Variants in SYNM observed in about 807,000 individuals in gnomAD.
SYNM encodes desmuslin.
A neutral mutation model predicts 104.0 loss-of-function variants in SYNM; 95 were observed. That is an observed-to-expected ratio of 0.91 (90% confidence interval 0.77 to 1.08). The LOEUF is 1.08. Ranked by LOEUF, SYNM falls within the 50% of genes least tolerant of loss-of-function variation. The pLI is 0.00. For synonymous variants in SYNM, 918 were observed against 869.0 expected, an observed-to-expected ratio of 1.06 and a Z score of -0.99; for missense variants, 2,150 against 2,052.2, an observed-to-expected ratio of 1.05 and a Z score of -0.92.
In SYNM at chr15:99,132,813, T is replaced by A. The variant is rs782736663; in HGVS notation, c.4453T>A (p.Ser1485Thr). Residue 1485 changes from serine (S) to threonine (T), a missense_variant, in exon 4 of 4, where the codon TCT becomes ACT. By Grantham distance (58) the Ser-to-Thr change is moderately conservative (BLOSUM62 1). Transcript: ENST00000336292. ...RTQEAGALGV[S>T]DRGSWRDADS... is the part of the protein sequence containing the mutation. Reference sequence around the variant, plus strand: ...ACAGGAAGCGGGAGCTCTCGGTGTGTCTGACCGTGGTTCCTGGAGAGACGC... The same window carrying A: ...ACAGGAAGCGGGAGCTCTCGGTGTGACTGACCGTGGTTCCTGGAGAGACGC... The A allele has an allele frequency of 6.2e-7, 1 of 1,613,446 alleles. No individual in the cohort carries two copies. The highest frequency in any genetic ancestry group is 8.5e-7 in the Non-Finnish European group (1 of 1,179,796).
At position 99,133,558 on chromosome 15, in the gene SYNM, T is replaced by C. The variant is rs2067535063; in HGVS notation, c.*500T>C. 1 of 158,986 alleles carries C rather than the reference T, an allele frequency of 6.3e-6. No homozygotes were observed. Among genetic ancestry groups the C allele is most frequent in the Non-Finnish European group, 1.4e-5 (1 of 71,574 alleles). 9.8% of individuals were successfully genotyped at this position (158,986 alleles called of 1,614,324 possible). On this transcript the variant is annotated 3_prime_UTR_variant, in exon 4 of 4. Transcript: ENST00000336292. Reference sequence around the variant, plus strand: ...AGAAATGGGAAATAGGCAGACTGTTTATGTTAAAAAAATTCTTGCTAAATG... The same window carrying C: ...AGAAATGGGAAATAGGCAGACTGTTCATGTTAAAAAAATTCTTGCTAAATG...
At chr15:99,115,427 T>TTA (rs1567276582) in intron 2 of SYNM, among the ~76,000 whole-genome samples, 7 of 143,478 alleles carry the variant, frequency 4.9e-5, no homozygotes, top group Admixed American at 2.8e-4. Context: ...TCATTTTTTT[T>TTA]ATTATTTTTT....
chr15:99,125,420 C>T (rs1286028403), intron 2 of SYNM, among the ~76,000 whole-genome samples: 1 of 152,232 alleles, frequency 6.6e-6, no homozygotes, highest in Non-Finnish European at 1.5e-5. Flanking sequence ...CTGCCCTGAG[C>T]GAAGGGCTGG....
chr15:99,126,727 T>C lies in SYNM; in HGVS notation c.941T>C (p.Leu314Ser). The C allele has an allele frequency of 6.3e-7, 1 of 1,577,852 alleles. No homozygotes were observed. The highest frequency in any genetic ancestry group is 8.6e-7 in the Non-Finnish European group (1 of 1,160,892). ...TTTGTAAATTATTTTTACAGGGCCT[T>C]ATTGGAAGGAGAAAGTAATCCAGAG... ...LSLEVATYRALLEGESNPEIV... is the reference protein window; with the variant it reads ...LSLEVATYRASLEGESNPEIV... The change falls in exon 3 of 4, where the codon TTA becomes TCA. Residue 314 changes from leucine to serine, a missense_variant. Leu to Ser is a moderately radical substitution (Grantham distance 145). Coordinates refer to ENST00000336292, the MANE Select transcript of SYNM (RefSeq NM_145728.3).
Position 99,132,382 on chromosome 15 carries a change from G to A in SYNM, c.4022G>A (p.Ser1341Asn), listed in dbSNP as rs782522238. 2.5e-6 allele frequency: 4 copies of A among 1,613,988 alleles called. No individual in the cohort carries two copies. Among genetic ancestry groups the A allele is most frequent in the Admixed American group, 1.7e-5 (1 of 60,034 alleles). Residue 1341 changes from serine to asparagine, a missense_variant, in exon 4 of 4, where the codon AGC becomes AAC. Physicochemically the swap from Ser to Asn is conservative, Grantham distance 46. Coordinates refer to ENST00000336292, the MANE Select transcript of SYNM (RefSeq NM_145728.3). ...CTGGGGGAATCTGGTGACTCAGAGA[G>A]CACTGTGCACGGAGAGGGCTCAGCA... ...PQLGESGDSE[S>N]TVHGEGSADV...
downstream of SYNM, chr15:99,138,201 G>T (rs1047888199): frequency 9.5e-6 from 15 of 1,577,462 alleles, no homozygotes; most frequent in African/African-American, 1.3e-5. Flanking sequence ...AGCCTTTGCT[G>T]CCCAGCAGGT....
intron 2 of SYNM, among the ~76,000 whole-genome samples, chr15:99,121,893 C>T (rs2067404866): frequency 1.3e-5 from 2 of 152,192 alleles, no homozygotes; most frequent in South Asian, 4.1e-4. Flanking sequence ...GGAAGACAGA[C>T]AACGCGGTCT....
chr15:99,105,922 G>A lies in SYNM; in HGVS notation c.723G>A (p.Ala241=), dbSNP rs782567415. 3.3e-6 allele frequency: 5 copies of A among 1,531,410 alleles called. No individual in the cohort carries two copies. In the East Asian group the frequency reaches 1.2e-4, roughly 38 times the overall value. 94.9% of individuals were successfully genotyped at this position (1,531,410 alleles called of 1,614,324 possible). Residue 241 remains alanine (A), a synonymous_variant, in exon 1 of 4, where the codon GCG becomes GCA. Transcript: ENST00000336292. ...AGGCAGAGGCGCTGCGGCGCGAGGC[G>A]CTCGGGTTGGAGCAGCTGCGCGCGC... ...AQEAEALRRE[A]LGLEQLRARL... is the part of the protein sequence containing the mutation.
At position 99,105,101 on chromosome 15, in the gene SYNM, G is replaced by A. The variant is rs1434657216; in HGVS notation, c.-99G>A. Reference sequence around the variant, plus strand: ...TCCCAGTCTGCGGGCCTCCGGGGCAGCGGCGAGGCCGGAGCGTCGCGGCGG... The same window carrying A: ...TCCCAGTCTGCGGGCCTCCGGGGCAACGGCGAGGCCGGAGCGTCGCGGCGG... On this transcript the variant is annotated 5_prime_UTR_variant, in exon 1 of 4. Transcript: ENST00000336292. The A allele has an allele frequency of 1.5e-6, 2 of 1,377,332 alleles. No homozygotes were observed. The highest frequency in any genetic ancestry group is 1.9e-6 in the Non-Finnish European group (2 of 1,028,806). 85.3% of individuals were successfully genotyped at this position (1,377,332 alleles called of 1,614,324 possible). A position where few individuals can be genotyped will look rare whatever the true frequency, so the allele number is the denominator to read the frequency against.
Position 99,105,097 on chromosome 15 carries a change from G to GGCAGCGGCGAGGCC in SYNM, c.-101_-88dup. On this transcript the variant is annotated 5_prime_UTR_variant, in exon 1 of 4. Coordinates refer to ENST00000336292, the MANE Select transcript of SYNM (RefSeq NM_145728.3). ...CGCGTCCCAGTCTGCGGGCCTCCGG[G>GGCAGCGGCGAGGCC]GCAGCGGCGAGGCCGGAGCGTCGCG... is the stretch of plus-strand genomic sequence containing the variant. The GGCAGCGGCGAGGCC allele has an allele frequency of 3.7e-6, 5 of 1,351,056 alleles. 1 individual carries two copies. The South Asian group carries it at 6.9e-5, about 19-fold the overall frequency. 83.7% of individuals were successfully genotyped at this position (1,351,056 alleles called of 1,614,324 possible).
chr15:99,105,644 G>T lies in SYNM; in HGVS notation c.445G>T (p.Glu149Ter). 1 of 1,363,846 alleles carries T rather than the reference G, an allele frequency of 7.3e-7. No homozygotes were observed. The highest frequency in any genetic ancestry group is 1.7e-5 in the South Asian group (1 of 60,448). 84.5% of individuals were successfully genotyped at this position (1,363,846 alleles called of 1,614,324 possible). A position where few individuals can be genotyped will look rare whatever the true frequency, so the allele number is the denominator to read the frequency against. Residue 149 changes from glutamate to a stop codon, truncating the protein, a stop_gained, in exon 1 of 4, where the codon GAA becomes TAA. Transcript: ENST00000336292. LOFTEE classifies it high-confidence loss of function. ...AERRGLDAAH[E>*]RDVRELRARA... ...GCGCCGAGGCCTCGACGCGGCCCAC[G>T]AACGCGACGTGAGGGAGCTGCGCGC...
Position 99,130,289 on chromosome 15 carries a change from TACCAGTATCCTGAAGCAGTTC to T in SYNM, c.1932_1952del (p.Ser645_Thr651del). ...CAGAAACCGTAGCAGAAAACATCGT[TACCAGTATCCTGAAGCAGTTC>T]ACTCAGTCTCCAGAGACAGAAGCAT... On this transcript the variant is annotated inframe_deletion, in exon 4 of 4. Transcript: ENST00000336292. 6.2e-7 allele frequency: 1 copy of T among 1,613,932 alleles called. No homozygotes were observed.
rs192270232 is a variant in SYNM, at chr15:99,131,061, G to C, written c.2701G>C (p.Asp901His). The stretch of plus-strand genomic sequence containing the variant: ...TGTCCCAGCGCCCTCTCTGGAGGGG[G>C]ACCTGGGTTCCACTCACTGGAAAGA... ...LDVPAPSLEG[D>H]LGSTHWKEQA... Residue 901 changes from aspartate to histidine, a missense_variant, in exon 4 of 4, where the codon GAC becomes CAC. Asp to His is a moderately conservative substitution (Grantham distance 81, BLOSUM62 -1). Transcript: ENST00000336292. The surrounding 1 kb of genome is among the most constrained non-coding windows in gnomAD (Gnocchi z 4.3). 382 of 1,606,714 alleles carry C rather than the reference G, an allele frequency of 2.4e-4. No homozygotes were observed. The highest frequency in any genetic ancestry group is 3.1e-4 in the Non-Finnish European group (368 of 1,176,338).
rs1555482608 is a variant in SYNM at position 99,105,820 on chromosome 15, C to G, written c.621C>G (p.Arg207=). ...TGCAGCTGTACGAGGACGAGGTGCG[C>G]GAGCTGGAGGAGGCGCTGCGGCGCG... ...ETVQLYEDEV[R]ELEEALRRGQ... Residue 207 remains arginine, a synonymous_variant, in exon 1 of 4, where the codon CGC becomes CGG. Coordinates refer to ENST00000336292, the MANE Select transcript of SYNM (RefSeq NM_145728.3). 2 of 1,542,190 alleles carry G rather than the reference C, an allele frequency of 1.3e-6. No homozygotes were observed. The highest frequency in any genetic ancestry group is 2.8e-5 in the African/African-American group (2 of 72,172).
intron 3 of SYNM, among the ~76,000 whole-genome samples, chr15:99,128,081 C>T (rs2067463954): frequency 1.3e-5 from 2 of 152,212 alleles, no homozygotes; most frequent in African/African-American, 4.8e-5. Flanking sequence ...TATTTGTAAA[C>T]TAAATTTATT....
Position 99,105,498 on chromosome 15 carries a change from C to G in SYNM, c.299C>G (p.Ala100Gly). ...RELRELQRLD[A>G]EERAARGRLD... The stretch of plus-strand genomic sequence containing the variant: ...CTGCGGGAGCTGCAGCGCCTGGATG[C>G]GGAGGAGCGCGCCGCCCGCGGCCGC... The change falls in exon 1 of 4, where the codon GCG becomes GGG. Residue 100 changes from alanine (A) to glycine (G), a missense_variant. Coordinates refer to ENST00000336292, the MANE Select transcript of SYNM (RefSeq NM_145728.3). 1 of 1,298,390 alleles carries G rather than the reference C, an allele frequency of 7.7e-7. No individual in the cohort carries two copies. Among genetic ancestry groups the G allele is most frequent in the Non-Finnish European group, 9.7e-7 (1 of 1,027,192 alleles). The allele number at this position is 1,298,390 out of a possible 1,614,324, so 80.4% of individuals were successfully genotyped here.
Position 99,131,232 on chromosome 15 carries a change from G to T in SYNM, c.2872G>T (p.Glu958Ter). 6 of 1,609,350 alleles carry T rather than the reference G, an allele frequency of 3.7e-6. No individual in the cohort carries two copies. The highest frequency in any genetic ancestry group is 5.1e-6 in the Non-Finnish European group (6 of 1,178,104). Reference protein sequence around the residue: ...QLVEVIGQLEETLPERMREEL... With the variant: ...QLVEVIGQLE ...GGTGGAGGTCATCGGGCAGCTGGAG[G>T]AAACCCTTCCCGAGCGCATGAGGGA... Residue 958 changes from glutamate (E) to a stop codon, truncating the protein, a stop_gained, in exon 4 of 4, where the codon GAA (glutamate) becomes TAA (stop). Coordinates refer to ENST00000336292, the MANE Select transcript of SYNM (RefSeq NM_145728.3). LOFTEE classifies it high-confidence loss of function. This position sits in a 1 kb window ranked among gnomAD's most constrained non-coding sequence, Gnocchi z 4.3.
intron 2 of SYNM, among the ~76,000 whole-genome samples, chr15:99,124,718 C>T (rs1168538791): frequency 6.6e-6 from 1 of 152,198 alleles, no homozygotes; most frequent in African/African-American, 2.4e-5. Flanking sequence ...TTGCATTTTT[C>T]TCTTTACTGG....
At position 99,129,721 on chromosome 15, in the gene SYNM, C is replaced by G. The variant is rs1345565453; in HGVS notation, c.1361C>G (p.Thr454Arg). The G allele has an allele frequency of 1.2e-6, 2 of 1,613,714 alleles. No individual in the cohort carries two copies. Among genetic ancestry groups the G allele is most frequent in the African/African-American group, 1.3e-5 (1 of 75,056 alleles). ...TFPDRPKAGD[T>R]REVPVYIGED... ...CCTGACAGACCAAAAGCCGGAGATA[C>G]AAGGGAGGTCCCCGTTTACATAGGT... Residue 454 changes from threonine to arginine, a missense_variant, in exon 4 of 4, where the codon ACA (threonine) becomes AGA (arginine). Coordinates refer to ENST00000336292, the MANE Select transcript of SYNM (RefSeq NM_145728.3).
Sources: allele counts gnomAD v4.1 joint callset (sites outside exome capture counted in the v4.1 genomes callset), GRCh38; gene constraint gnomAD v4.1.1; non-coding constraint Gnocchi (gnomAD v3.1); transcripts MANE v1.5; gene names NCBI Gene and HGNC (gene_info 2026-07-23, HGNC 2026-07-21).